ABCC9: variants seen among roughly 807,000 people sequenced by gnomAD.
ABCC9 encodes ATP binding cassette subfamily C member 9, also known as ATP-binding cassette sub-family C member 9.
A neutral mutation model predicts 188.3 loss-of-function variants in ABCC9; 95 were observed. The observed-to-expected ratio is 0.50, with a 90% CI of 0.43 to 0.60. The LOEUF is 0.60. Among genes scored for constraint, ABCC9 ranks in the 20% least tolerant of loss-of-function variants. The pLI is 0.00. For synonymous variants in ABCC9, 659 were observed against 652.7 expected, an observed-to-expected ratio of 1.01 and a Z score of -0.15; for missense variants, 1,102 against 1,876.3, an observed-to-expected ratio of 0.59 and a Z score of 7.62.
intron 10 of ABCC9, 149 bp downstream of exon 10, chr12:21,910,008 A>G: frequency 1.3e-6 from 1 of 760,776 alleles, no homozygotes; most frequent in South Asian, 1.8e-5. Context: ...ATGCTATAAC[A>G]TTTCTGAGTC....
In ABCC9 at chr12:21,921,157, A is replaced by G. The variant is rs1435510696; in HGVS notation, c.407-4054T>C. ...TTAAGGAACCTACAAACTGTTCTTC[A>G]TAGTGGTTGTACTAATTTACATTTC... On this transcript the variant is annotated intron_variant, in intron 5 of 39. Transcript: ENST00000261200. 2.0e-5 allele frequency among the ~76,000 whole-genome samples: 3 copies of G among 152,076 alleles called. No homozygotes were observed. In the East Asian group the frequency reaches 5.8e-4, roughly 29 times the overall value.
chr12:21,812,123 T>G lies in ABCC9; in HGVS notation c.4137A>C (p.Lys1379Asn). Residue 1379 changes from lysine to asparagine, a missense_variant, in exon 36 of 40, where the codon AAA becomes AAC. Transcript: ENST00000261200. ...TAGAACGTAGTGTGTGCAGTGGTAA[T>G]TTGGAAATGTCTATCCCATCAATGA... is the stretch of plus-strand genomic sequence containing the variant. Reference protein sequence around the residue: ...KIVIDGIDISKLPLHTLRSRL... With the variant: ...KIVIDGIDISNLPLHTLRSRL... 1 of 1,613,058 alleles carries G rather than the reference T, an allele frequency of 6.2e-7. No individual in the cohort carries two copies. The highest frequency in any genetic ancestry group is 8.5e-7 in the Non-Finnish European group (1 of 1,179,162).
rs1257938075 is a variant in ABCC9, at chr12:21,941,021, C to T, written c.-137+179G>A. Among the ~76,000 whole-genome samples the T allele has an allele frequency of 6.6e-6, 1 of 152,190 alleles. No individual in the cohort carries two copies. The highest frequency in any genetic ancestry group is 6.5e-5 in the Admixed American group (1 of 15,282). The stretch of plus-strand genomic sequence containing the variant: ...ACCTGATCCCCACCCCTTCACTTCT[C>T]GAGCCGGGCCTCGTCCCTTAATTCT... On this transcript the variant is annotated intron_variant, in intron 1 of 39. Transcript: ENST00000261200. The surrounding 1 kb of genome is among the most constrained non-coding windows in gnomAD (Gnocchi z 5.4).
chr12:21,936,233 C>T (rs1419914392), intron 3 of ABCC9, among the ~76,000 whole-genome samples: 2 of 152,108 alleles, frequency 1.3e-5, no homozygotes, highest in Non-Finnish European at 2.9e-5. Context: ...TTTACCTAAC[C>T]CAAAGTAAGT....
intron 18 of ABCC9, 36 bp downstream of exon 18, chr12:21,872,589 G>C (rs1946135688): frequency 7.0e-7 from 1 of 1,433,480 alleles, no homozygotes; most frequent in Non-Finnish European, 9.8e-7. Context: ...TCAGATGTAT[G>C]ACATAGCAAT....
chr12:21,933,959 T>C (rs748773049), intron 3 of ABCC9, 36 bp from the exon 4 acceptor site: 3 of 1,611,958 alleles, frequency 1.9e-6, no homozygotes, highest in East Asian at 4.5e-5. Flanking sequence ...CAAAAAGACA[T>C]AAACCGAAGG....
intron 29 of ABCC9, among the ~76,000 whole-genome samples, chr12:21,841,176 T>C (rs543097805): frequency 9.2e-5 from 14 of 152,276 alleles, no homozygotes; most frequent in Middle Eastern, 3.4e-3. Context: ...TTTACTATAC[T>C]ATATATAGCG....
At position 21,910,981 on chromosome 12, in the gene ABCC9, G is replaced by T; in HGVS notation, c.1012-3C>A. 1 of 1,611,618 alleles carries T rather than the reference G, an allele frequency of 6.2e-7. No homozygotes were observed. Among genetic ancestry groups the T allele is most frequent in the Non-Finnish European group, 8.5e-7 (1 of 1,178,274 alleles). On this transcript the variant is annotated splice_region_variant and splice_polypyrimidine_tract_variant and intron_variant, in intron 8 of 39. Coordinates refer to ENST00000261200, the MANE Select transcript of ABCC9 (RefSeq NM_020297.4). Reference sequence around the variant, plus strand: ...TTTGATGAGAGGGTTTCTGAAATCTGGTCCCCAAAGAAAAAAAGTGTCATA... The same window carrying T: ...TTTGATGAGAGGGTTTCTGAAATCTTGTCCCCAAAGAAAAAAAGTGTCATA...
At chr12:21,819,127 A>G (rs1219076046) in intron 31 of ABCC9, among the ~76,000 whole-genome samples, 1 of 152,172 alleles carries the variant, frequency 6.6e-6, no homozygotes, top group African/African-American at 2.4e-5. Flanking sequence ...CTTTCTTTTT[A>G]TCTCATTTCC....
At chr12:21,842,826 G>C (rs1335818077) in intron 28 of ABCC9, among the ~76,000 whole-genome samples, 1 of 152,092 alleles carries the variant, frequency 6.6e-6, no homozygotes, top group African/African-American at 2.4e-5. Context: ...TGGTTGCATA[G>C]TATTAGCTTA....
At chr12:21,888,996 T>C (rs1947012947) in intron 14 of ABCC9, among the ~76,000 whole-genome samples, 1 of 152,150 alleles carries the variant, frequency 6.6e-6, no homozygotes, top group African/African-American at 2.4e-5. Flanking sequence ...ATGTATGAAA[T>C]AAATGGTTTC....
At chr12:21,883,014 TA>T (rs529653011) in intron 15 of ABCC9, 141 bp from the exon 16 acceptor site, 136 of 670,294 alleles carry the variant, frequency 2.0e-4, no homozygotes, top group Admixed American at 3.0e-4. Flanking sequence ...GACTCCTTCA[TA>T]AAAAAAAATG....
intron 2 of ABCC9, among the ~76,000 whole-genome samples, chr12:21,940,266 A>G (rs1591766566): frequency 6.6e-6 from 1 of 152,378 alleles, no homozygotes; most frequent in Non-Finnish European, 1.5e-5. Context: ...TCTTACATAT[A>G]AAAGGATTCA....
At chr12:21,863,208 A>G (rs1286805584) in intron 19 of ABCC9, among the ~76,000 whole-genome samples, 154 bp from the exon 20 acceptor site, 1 of 151,894 alleles carries the variant, frequency 6.6e-6, no homozygotes, top group Non-Finnish European at 1.5e-5. Context: ...AAGACCACCA[A>G]CCTTATTAAG....
At chr12:21,924,155 G>A (rs1369442845) in intron 5 of ABCC9, 1 of 270,424 alleles carries the variant, frequency 3.7e-6, no homozygotes, top group African/African-American at 2.2e-5. Flanking sequence ...TGTCATGATA[G>A]TGTTATATAG....
At chr12:21,917,619 T>G (rs922683613) in intron 5 of ABCC9, among the ~76,000 whole-genome samples, 4 of 152,154 alleles carry the variant, frequency 2.6e-5, no homozygotes, top group Non-Finnish European at 4.4e-5. Context: ...GTAAGTGACT[T>G]TCCTTAGTCA....
intron 31 of ABCC9, 111 bp downstream of exon 31, chr12:21,828,847 T>C (rs1943544194): frequency 1.2e-6 from 1 of 859,788 alleles, no homozygotes; most frequent in Non-Finnish European, 2.0e-6. Context: ...CCAGAAAATG[T>C]GAAGCTAGTG....
intron 14 of ABCC9, among the ~76,000 whole-genome samples, chr12:21,892,336 C>T (rs970056921): frequency 1.3e-4 from 20 of 152,060 alleles, no homozygotes; most frequent in African/African-American, 4.6e-4. Context: ...TTATCTATTG[C>T]AAGTTATCAA....
intron 2 of ABCC9, among the ~76,000 whole-genome samples, chr12:21,937,349 C>A (rs376493394): frequency 2.6e-5 from 4 of 152,142 alleles, no homozygotes; most frequent in African/African-American, 7.2e-5. Flanking sequence ...ATACACTCTA[C>A]GCAAGTTTGA....
Sources: allele counts gnomAD v4.1 joint callset (sites outside exome capture counted in the v4.1 genomes callset), GRCh38; gene constraint gnomAD v4.1.1; non-coding constraint Gnocchi (gnomAD v3.1); transcripts MANE v1.5; gene names NCBI Gene and HGNC (gene_info 2026-07-23, HGNC 2026-07-21).